ATE1: variants seen among roughly 807,000 people sequenced by gnomAD.
ATE1 encodes arginyl-tRNA--protein transferase 1.
Under a neutral mutation model 70.5 loss-of-function variants are expected in ATE1, and 36 were observed. That is an observed-to-expected ratio of 0.51 (90% CI 0.39 to 0.67). The LOEUF is 0.67. Ranked by LOEUF, ATE1 falls within the 30% of genes least tolerant of loss-of-function variation. The probability of loss-of-function intolerance (pLI) is 0.00; values close to 1 mark genes in which losing one functional copy is unlikely to be tolerated. For missense variants in ATE1, 593 were observed against 629.5 expected (o/e 0.94, Z 0.62); for synonymous variants, 232 against 219.3 (o/e 1.06, Z -0.51).
In ATE1 at chr10:121,851,631, CT is replaced by C. The variant is rs1476829957; in HGVS notation, c.976-10369del. 6.6e-5 allele frequency among the ~76,000 whole-genome samples: 10 copies of C among 152,180 alleles called. No individual in the cohort carries two copies. In the East Asian group the frequency reaches 1.9e-3, roughly 29 times the overall value. On this transcript the variant is annotated intron_variant, in intron 8 of 11. Coordinates refer to ENST00000224652, the MANE Select transcript of ATE1 (RefSeq NM_001001976.3). ...TCTACAAAATTACATGAGTAGCTAA[CT>C]TAACAGCAAAGTTACTTAAACAGCA... is the stretch of plus-strand genomic sequence containing the variant.
intron 10 of ATE1, among the ~76,000 whole-genome samples, chr10:121,800,669 C>A (rs1464727817): frequency 6.6e-6 from 1 of 151,426 alleles, no homozygotes; most frequent in Non-Finnish European, 1.5e-5. Context: ...TGAACAACAA[C>A]AAAAAAATTA....
intron 7 of ATE1, among the ~76,000 whole-genome samples, chr10:121,884,830 G>A (rs11818001): frequency 0.13 from 20,075 of 152,098 alleles, 1,523 homozygotes; most frequent in East Asian, 0.19. Flanking sequence ...GTCTTGTCAC[G>A]GACCTTGACA....
intron 10 of ATE1, among the ~76,000 whole-genome samples, chr10:121,812,873 C>A (rs964102431): frequency 6.6e-6 from 1 of 152,186 alleles, no homozygotes; most frequent in Non-Finnish European, 1.5e-5. Context: ...AAACTATCAA[C>A]TCATTATCAT....
intron 7 of ATE1, among the ~76,000 whole-genome samples, chr10:121,885,676 G>C (rs906949671): frequency 2.0e-5 from 3 of 151,926 alleles, no homozygotes. Context: ...GCAGGCAGGC[G>C]GATCACTTGA....
At chr10:121,915,664 C>T (rs1322215998) in intron 3 of ATE1, among the ~76,000 whole-genome samples, 19 of 151,804 alleles carry the variant, frequency 1.3e-4, no homozygotes, top group African/African-American at 2.2e-4. Flanking sequence ...CCGAGGCAGG[C>T]GGATCACGAG....
chr10:121,854,122 C>A (rs1435246637), intron 8 of ATE1, among the ~76,000 whole-genome samples: 1 of 152,132 alleles, frequency 6.6e-6, no homozygotes, highest in Non-Finnish European at 1.5e-5. Context: ...TTTCTATTGA[C>A]TGGGTTATTT....
intron 10 of ATE1, among the ~76,000 whole-genome samples, chr10:121,801,856 G>A (rs1946892583): frequency 6.6e-6 from 1 of 151,274 alleles, no homozygotes; most frequent in African/African-American, 2.4e-5. Flanking sequence ...AACTGATCAT[G>A]TAAGTTCCCT....
At position 121,887,438 on chromosome 10, in the gene ATE1, A is replaced by AT. The variant is rs558048271; in HGVS notation, c.942+12427_942+12428insA. Among the ~76,000 whole-genome samples the AT allele has an allele frequency of 3.2e-4, 49 of 152,330 alleles. 1 individual carries two copies. In the East Asian group the frequency reaches 5.4e-3, roughly 17 times the overall value. On this transcript the variant is annotated intron_variant, in intron 7 of 11. Transcript: ENST00000224652. ...TTAAAAAACATTACAGGCTGGGCAC[A>AT]ATGGCTCACACCTATAATGCCAGTA...
At chr10:121,871,923 T>G (rs1949876367) in intron 7 of ATE1, among the ~76,000 whole-genome samples, 1 of 152,170 alleles carries the variant, frequency 6.6e-6, no homozygotes, top group Non-Finnish European at 1.5e-5. Flanking sequence ...AATGCAAGCT[T>G]TGTGGTCTTG....
intron 10 of ATE1, among the ~76,000 whole-genome samples, chr10:121,792,902 A>G (rs895164127): frequency 2.6e-5 from 4 of 152,234 alleles, no homozygotes; most frequent in African/African-American, 9.6e-5. Flanking sequence ...AAACAAAATG[A>G]ACCAACCATA....
intron 8 of ATE1, among the ~76,000 whole-genome samples, chr10:121,855,092 GA>G (rs1949196386): frequency 6.6e-6 from 1 of 152,180 alleles, no homozygotes; most frequent in Admixed American, 6.5e-5. Context: ...CTACAGAGAT[GA>G]GGGGGCATTC....
Position 121,741,610 on chromosome 10 carries a change from G to A in ATE1, c.*2070C>T, listed in dbSNP as rs1944149165. On this transcript the variant is annotated 3_prime_UTR_variant, in exon 12 of 12. Coordinates refer to ENST00000224652, the MANE Select transcript of ATE1 (RefSeq NM_001001976.3). ...CATGCTAATCACAAAGACAAATGGA[G>A]GGAAGATACAGTGATAACACCAAGT... 1 of 152,182 alleles carries A rather than the reference G, an allele frequency of 6.6e-6. No homozygotes were observed. The highest frequency in any genetic ancestry group is 2.4e-5 in the African/African-American group (1 of 41,448). 9.4% of individuals were successfully genotyped at this position (152,182 alleles called of 1,614,324 possible).
chr10:121,815,862 G>A (rs1210654861), intron 10 of ATE1, among the ~76,000 whole-genome samples: 2 of 152,110 alleles, frequency 1.3e-5, no homozygotes, highest in Non-Finnish European at 2.9e-5. Flanking sequence ...CCTTGCTGTT[G>A]GGGTATGTCC....
At chr10:121,879,250 A>C (rs1301715801) in intron 7 of ATE1, among the ~76,000 whole-genome samples, 1 of 152,136 alleles carries the variant, frequency 6.6e-6, no homozygotes, top group African/African-American at 2.4e-5. Flanking sequence ...CCTGAAATGT[A>C]CTTCCCCCAG....
upstream of ATE1, chr10:121,928,360 G>T (rs765184186): frequency 3.9e-6 from 6 of 1,533,480 alleles, no homozygotes; most frequent in South Asian, 6.1e-5. Flanking sequence ...AGGACGCTTT[G>T]CCCTCCTTGG....
chr10:121,918,792 G>A (rs78577364), intron 3 of ATE1, among the ~76,000 whole-genome samples: 6,777 of 149,012 alleles, frequency 0.045, 227 homozygotes, highest in Middle Eastern at 0.072. Flanking sequence ...ACGGCCAGCT[G>A]GACTTCTGGG....
intron 7 of ATE1, among the ~76,000 whole-genome samples, chr10:121,897,669 T>A (rs1950829275): frequency 1.3e-5 from 2 of 151,872 alleles, no homozygotes; most frequent in Non-Finnish European, 2.9e-5. Context: ...CTACTAAAAA[T>A]ATAAAAATTA....
At chr10:121,749,954 T>C (rs1338378562) in intron 11 of ATE1, among the ~76,000 whole-genome samples, 7 of 152,248 alleles carry the variant, frequency 4.6e-5, no homozygotes, top group Non-Finnish European at 1.0e-4. Context: ...AACATACTTC[T>C]GTCTTCTGGG....
chr10:121,770,364 TA>T (rs1467824263), intron 11 of ATE1, among the ~76,000 whole-genome samples: 7 of 152,092 alleles, frequency 4.6e-5, no homozygotes, highest in Non-Finnish European at 8.8e-5. Flanking sequence ...ATATTTTTAC[TA>T]GGCTATATCT....
Sources: gnomAD v4.1 joint callset for allele counts (sites outside exome capture counted in the v4.1 genomes callset) on GRCh38, gnomAD v4.1.1 for gene constraint, MANE v1.5 for transcripts, NCBI Gene and HGNC (gene_info 2026-07-23, HGNC 2026-07-21) for gene names.